Variants in NRXN3 observed in about 807,000 individuals in gnomAD.
NRXN3 encodes the protein neurexin III.
NRXN3 carries 32 observed loss-of-function variants against 137.6 expected under a neutral mutation model. The observed-to-expected ratio is 0.23, with a 90% CI of 0.18 to 0.31. The LOEUF (loss-of-function observed/expected upper bound fraction) is 0.31. NRXN3 is among the 10% of genes least tolerant of loss of function. The pLI is 1.00. For missense variants in NRXN3, 1,574 were observed against 2,062.5 expected, an observed-to-expected ratio of 0.76 and a Z score of 4.59; for synonymous variants, 798 against 784.5, an observed-to-expected ratio of 1.02 and a Z score of -0.29.
chr14:78,994,992 G>A (rs774939428), intron 15 of NRXN3, among the ~76,000 whole-genome samples: 12 of 152,066 alleles, frequency 7.9e-5, no homozygotes, highest in Non-Finnish European at 1.5e-4. Flanking sequence ...CTGATTGAGG[G>A]TTTGGTCCCA....
At chr14:78,873,603 G>T (rs2099106538) in intron 10 of NRXN3, among the ~76,000 whole-genome samples, 1 of 152,174 alleles carries the variant, frequency 6.6e-6, no homozygotes, top group Non-Finnish European at 1.5e-5. Context: ...TATTCTTAGT[G>T]ATCTCCTTCC....
chr14:79,043,617 A>T (rs531160881), intron 15 of NRXN3, among the ~76,000 whole-genome samples: 2 of 152,100 alleles, frequency 1.3e-5, no homozygotes, highest in East Asian at 3.9e-4. Context: ...GGATCTTGGG[A>T]TCTATGGCCC....
At chr14:79,329,405 A>G (rs1292991878) in intron 15 of NRXN3, among the ~76,000 whole-genome samples, 2 of 152,222 alleles carry the variant, frequency 1.3e-5, no homozygotes, top group Non-Finnish European at 2.9e-5. Context: ...ACGGAGAGAC[A>G]GGAGAATATT....
chr14:79,293,449 G>A (rs1210465232), intron 15 of NRXN3, among the ~76,000 whole-genome samples: 1 of 152,234 alleles, frequency 6.6e-6, no homozygotes, highest in African/African-American at 2.4e-5. Context: ...TAGACCAGAA[G>A]TTTGTGAATA....
At chr14:79,818,079 G>A (rs1172951239) in intron 20 of NRXN3, among the ~76,000 whole-genome samples, 3 of 121,928 alleles carry the variant, frequency 2.5e-5, no homozygotes, top group Non-Finnish European at 4.9e-5. Flanking sequence ...TTTTTGAGAC[G>A]GAGTCTCGCT....
intron 4 of NRXN3, among the ~76,000 whole-genome samples, chr14:78,615,848 G>A (rs2152484665): frequency 6.6e-6 from 1 of 152,322 alleles, no homozygotes; most frequent in Admixed American, 6.5e-5. Context: ...TCAGGAGACT[G>A]AGGTGGGAGA....
intron 10 of NRXN3, among the ~76,000 whole-genome samples, chr14:78,892,216 C>T (rs188423041): frequency 1.5e-3 from 232 of 152,074 alleles, no homozygotes; most frequent in African/African-American, 5.3e-3. Flanking sequence ...GGCACAGGAA[C>T]GCTTTAATGT....
intron 4 of NRXN3, among the ~76,000 whole-genome samples, chr14:78,616,418 C>T (rs1163327305): frequency 6.6e-6 from 1 of 152,196 alleles, no homozygotes; most frequent in African/African-American, 2.4e-5. Context: ...CCTGCTTCTT[C>T]AAGAGCTTCC....
chr14:79,277,624 G>A (rs181378467), intron 15 of NRXN3, among the ~76,000 whole-genome samples: 4 of 152,274 alleles, frequency 2.6e-5, no homozygotes, highest in East Asian at 1.9e-4. Context: ...CAACAACCTC[G>A]AGAGGGAGGC....
intron 15 of NRXN3, among the ~76,000 whole-genome samples, chr14:78,997,669 G>T (rs1346630136): frequency 6.6e-6 from 1 of 151,910 alleles, no homozygotes; most frequent in Non-Finnish European, 1.5e-5. Context: ...TTTGAAGGTG[G>T]TAAAATTTAC....
intron 17 of NRXN3, among the ~76,000 whole-genome samples, chr14:79,684,028 T>G (rs933911623): frequency 6.6e-5 from 10 of 152,180 alleles, no homozygotes; most frequent in Admixed American, 2.6e-4. Flanking sequence ...TTAGATATTT[T>G]ATAGCTCCAT....
intron 4 of NRXN3, among the ~76,000 whole-genome samples, chr14:78,449,436 A>G (rs1483976218): frequency 6.6e-6 from 1 of 152,072 alleles, no homozygotes; most frequent in Non-Finnish European, 1.5e-5. Context: ...CTGGTCTTGA[A>G]CTCCTGGCCC....
intron 1 of NRXN3, among the ~76,000 whole-genome samples, chr14:78,211,585 C>A (rs980620865): frequency 1.5e-4 from 23 of 152,354 alleles, no homozygotes; most frequent in African/African-American, 5.3e-4. Context: ...AACCCCACTC[C>A]AAAGCTCATT....
chr14:79,066,671 G>C (rs952939262), intron 15 of NRXN3, among the ~76,000 whole-genome samples: 8 of 151,746 alleles, frequency 5.3e-5, no homozygotes, highest in Non-Finnish European at 1.0e-4. Flanking sequence ...TCCTTAAAGA[G>C]TTCCTTCACT....
chr14:78,946,877 T>C (rs925984807), intron 10 of NRXN3, among the ~76,000 whole-genome samples: 1 of 152,220 alleles, frequency 6.6e-6, no homozygotes, highest in African/African-American at 2.4e-5. Flanking sequence ...TGAATTGAAA[T>C]ACACTTGATT....
At chr14:79,456,974 C>A (rs1383110474) in intron 15 of NRXN3, among the ~76,000 whole-genome samples, 1 of 151,106 alleles carries the variant, frequency 6.6e-6, no homozygotes. Context: ...GTGGCCACGG[C>A]AGCTGTGTGT....
At chr14:79,075,967 TC>T (rs1457596996) in intron 15 of NRXN3, among the ~76,000 whole-genome samples, 1 of 152,300 alleles carries the variant, frequency 6.6e-6, no homozygotes, top group Non-Finnish European at 1.5e-5. Flanking sequence ...GAAGACTTGG[TC>T]TGCAGAGCCT....
chr14:79,436,234 C>A (rs555097456), intron 15 of NRXN3, among the ~76,000 whole-genome samples: 1 of 152,298 alleles, frequency 6.6e-6, no homozygotes, highest in South Asian at 2.1e-4. Context: ...AAAAGCACTT[C>A]TTTCTGTCTT....
At chr14:78,656,630 A>G (rs1566988288) in intron 6 of NRXN3, among the ~76,000 whole-genome samples, 1 of 152,152 alleles carries the variant, frequency 6.6e-6, no homozygotes, top group Non-Finnish European at 1.5e-5. Context: ...GCAGCAGAAC[A>G]TGGTCAGATT....
Sources: allele counts gnomAD v4.1 joint callset (sites outside exome capture counted in the v4.1 genomes callset), GRCh38; gene constraint gnomAD v4.1.1; transcripts MANE v1.5; gene names NCBI Gene and HGNC (gene_info 2026-07-23, HGNC 2026-07-21).